Variants in CR2 observed in about 807,000 individuals in gnomAD.
CR2 encodes complement C3d receptor 2.
Under a neutral mutation model 123.0 loss-of-function variants are expected in CR2, and 96 were observed. The ratio of observed to expected loss-of-function variants is 0.78; its 90% CI spans 0.66 to 0.93. The LOEUF (loss-of-function observed/expected upper bound fraction) is 0.93. Ranked by LOEUF, CR2 falls within the 40% of genes least tolerant of loss-of-function variation. CR2 has a pLI of 0.00. For synonymous variants in CR2, 484 were observed against 469.5 expected, an observed-to-expected ratio of 1.03 and a Z score of -0.40; for missense variants, 1,258 against 1,361.0, an observed-to-expected ratio of 0.92 and a Z score of 1.19.
chr1:207,477,394 G>A (rs1212387087), intron 15 of CR2, among the ~76,000 whole-genome samples: 1 of 152,090 alleles, frequency 6.6e-6, no homozygotes, highest in Non-Finnish European at 1.5e-5. Context: ...CCCTCCCATG[G>A]CGCATGGGGA....
rs893377104 is a variant in CR2, at chr1:207,468,686, A to C, written c.605A>C (p.Lys202Thr). The C allele has an allele frequency of 3.7e-6, 6 of 1,614,072 alleles. No homozygotes were observed. Among genetic ancestry groups the C allele is most frequent in the Non-Finnish European group, 5.1e-6 (6 of 1,179,960 alleles). Reference protein sequence around the residue: ...EKIINCLSSGKWSAVPPTCEE... With the variant: ...EKIINCLSSGTWSAVPPTCEE... ...ATCATTAACTGTTTGTCTTCGGGAA[A>C]ATGGAGTGCTGTCCCCCCCACATGT... The change falls in exon 3 of 20, where the codon AAA becomes ACA. Residue 202 changes from lysine to threonine, a missense_variant. Physicochemically the swap from Lys to Thr is moderately conservative, Grantham distance 78 (BLOSUM62 -1). Coordinates refer to ENST00000367057, the MANE Select transcript of CR2 (RefSeq NM_001006658.3).
Position 207,472,762 on chromosome 1 carries a change from A to G in CR2, c.1571-10A>G. On this transcript the variant is annotated splice_polypyrimidine_tract_variant and intron_variant, in intron 9 of 19. Coordinates refer to ENST00000367057, the MANE Select transcript of CR2 (RefSeq NM_001006658.3). ...GAACTCAATTCTACAGTATCTTTTC[A>G]TCTCTCTAGAAATCACCTGCCCACC... 3 of 1,612,910 alleles carry G rather than the reference A, an allele frequency of 1.9e-6. No homozygotes were observed. The highest frequency in any genetic ancestry group is 2.5e-6 in the Non-Finnish European group (3 of 1,179,454).
rs2102305933 is a variant in CR2, at chr1:207,472,990, C to G, written c.1789C>G (p.Leu597Val). 2 of 1,614,032 alleles carry G rather than the reference C, an allele frequency of 1.2e-6. No individual in the cohort carries two copies. Among genetic ancestry groups the G allele is most frequent in the Non-Finnish European group, 1.7e-6 (2 of 1,179,952 alleles). ...SGPAPLCKLS[L>V]LAVQCSHVHI... The stretch of plus-strand genomic sequence containing the variant: ...CCCTGCTCCCCTGTGTAAACTTTCC[C>G]TCCTTGCTGTCCAGTGCTCACATGT... The change falls in exon 10 of 20, where the codon CTC becomes GTC. Residue 597 changes from leucine to valine, a missense_variant. Transcript: ENST00000367057.
At chr1:207,469,012 A>G (rs1170000978) in intron 4 of CR2, 113 bp downstream of exon 4, 2 of 1,385,458 alleles carry the variant, frequency 1.4e-6, no homozygotes, top group Admixed American at 1.7e-5. Context: ...AGTCTGGGGT[A>G]GGGTTGTGAG....
At chr1:207,474,470 G>A (rs557823526) in intron 13 of CR2, 147 bp downstream of exon 13, 20 of 687,602 alleles carry the variant, frequency 2.9e-5, no homozygotes, top group East Asian at 8.1e-5. Context: ...GTGTTGGTCA[G>A]TATTGACACT....
Position 207,489,067 on chromosome 1 carries a change from T to C in CR2, c.*19-75T>C, listed in dbSNP as rs767808090. The C allele has an allele frequency of 2.0e-5, 3 of 152,350 alleles. No individual in the cohort carries two copies. In the South Asian group the frequency reaches 6.2e-4, roughly 32 times the overall value. The allele number at this position is 152,350 out of a possible 1,614,324, so 9.4% of individuals were successfully genotyped here. ...AGCTGTAACTGGTATGTAAAGAGAA[T>C]GTTAGCATTATTTAAACTTCGAGTT... On this transcript the variant is annotated intron_variant, in intron 19 of 19. Coordinates refer to ENST00000367057, the MANE Select transcript of CR2 (RefSeq NM_001006658.3).
In CR2 at chr1:207,469,890, C is replaced by A; in HGVS notation, c.1013C>A (p.Pro338His). The change falls in exon 6 of 20, where the codon CCT (proline) becomes CAT (histidine). Residue 338 changes from proline (P) to histidine (H), a missense_variant. Physicochemically the swap from Pro to His is moderately conservative, Grantham distance 77 (BLOSUM62 -2). Transcript: ENST00000367057. ...CAGAAGACTGGGACCTGGAGTGGCC[C>A]TGCCCCACGCTGTGAACTTTCTACT... is the stretch of plus-strand genomic sequence containing the variant. ...DSQKTGTWSG[P>H]APRCELSTSA... 1 of 1,613,990 alleles carries A rather than the reference C, an allele frequency of 6.2e-7. No homozygotes were observed. Among genetic ancestry groups the A allele is most frequent in the Non-Finnish European group, 8.5e-7 (1 of 1,179,932 alleles).
At chr1:207,480,646 T>C (rs1228886239) in intron 18 of CR2, among the ~76,000 whole-genome samples, 1 of 152,180 alleles carries the variant, frequency 6.6e-6, no homozygotes, top group Non-Finnish European at 1.5e-5. Context: ...GATAAGTGCA[T>C]GAGCATTTAA....
Position 207,454,772 on chromosome 1 carries a change from C to A in CR2, c.58+296C>A. ...GTGCTCGCGGTCTCCTGCCGGGCTC[C>A]CCGCCCCCAGGATTCTGCAGGTGCT... On this transcript the variant is annotated intron_variant, in intron 1 of 19. Coordinates refer to ENST00000367057, the MANE Select transcript of CR2 (RefSeq NM_001006658.3). This position sits in a 1 kb window ranked among gnomAD's most constrained non-coding sequence, Gnocchi z 4.3. The A allele has an allele frequency of 2.6e-6, 1 of 389,910 alleles. No homozygotes were observed. The allele number at this position is 389,910 out of a possible 1,614,324, so 24.2% of individuals were successfully genotyped here. A position where few individuals can be genotyped will look rare whatever the true frequency, so the allele number is the denominator to read the frequency against.
chr1:207,485,314 T>C, intron 18 of CR2, 150 bp from the exon 19 acceptor site: 1 of 608,714 alleles, frequency 1.6e-6, no homozygotes, highest in Admixed American at 2.4e-5. Context: ...TCTGCACATG[T>C]ATCCCAGAAC....
At position 207,471,440 on chromosome 1, in the gene CR2, G is replaced by C; in HGVS notation, c.1511G>C (p.Ser504Thr). The C allele has an allele frequency of 1.2e-6, 2 of 1,612,908 alleles. No homozygotes were observed. The highest frequency in any genetic ancestry group is 1.7e-6 in the Non-Finnish European group (2 of 1,179,016). Residue 504 changes from serine (S) to threonine (T), a missense_variant, in exon 9 of 20, where the codon AGT (serine) becomes ACT (threonine). Physicochemically the swap from Ser to Thr is moderately conservative, Grantham distance 58 (BLOSUM62 1). Transcript: ENST00000367057. The stretch of plus-strand genomic sequence containing the variant: ...GTCTCTAGGTACAAGTTAAGTGGGA[G>C]TGTTTATCAGGAGTGTCAAGGCACA... ...SCGEGYKLSG[S>T]VYQECQGTIP... is the part of the protein sequence containing the mutation.
At chr1:207,465,203 T>C (rs2102299608) in intron 1 of CR2, among the ~76,000 whole-genome samples, 1 of 152,314 alleles carries the variant, frequency 6.6e-6, no homozygotes, top group Non-Finnish European at 1.5e-5. Flanking sequence ...GTGCTGGGAT[T>C]ACAGACGTGA....
intron 1 of CR2, among the ~76,000 whole-genome samples, chr1:207,455,257 C>A (rs1314148566): frequency 6.6e-6 from 1 of 152,174 alleles, no homozygotes; most frequent in East Asian, 1.9e-4. Context: ...CCGTGCATTC[C>A]TAGTTTATAA....
chr1:207,469,661 A>T, intron 5 of CR2, 34 bp from the exon 6 acceptor site: 1 of 1,601,470 alleles, frequency 6.2e-7, no homozygotes, highest in Non-Finnish European at 8.6e-7. Flanking sequence ...CAATACACCT[A>T]TGATCTTGTC....
At chr1:207,476,157 T>C in intron 14 of CR2, 77 bp from the exon 15 acceptor site, 1 of 1,404,016 alleles carries the variant, frequency 7.1e-7, no homozygotes, top group Non-Finnish European at 1.0e-6. Flanking sequence ...CCTTCCTGTA[T>C]CGCTATCACC....
At chr1:207,457,268 A>G (rs1572944402) in intron 1 of CR2, among the ~76,000 whole-genome samples, 1 of 152,344 alleles carries the variant, frequency 6.6e-6, no homozygotes, top group South Asian at 2.1e-4. Context: ...TATAACAATG[A>G]AAGAAGTATC....
chr1:207,457,982 T>C (rs1406329517), intron 1 of CR2, among the ~76,000 whole-genome samples: 2 of 151,782 alleles, frequency 1.3e-5, no homozygotes, highest in Non-Finnish European at 2.9e-5. Context: ...GGCATCTTGA[T>C]GTGGATGCCT....
At position 207,466,875 on chromosome 1, in the gene CR2, T is replaced by C; in HGVS notation, c.408T>C (p.Asn136=). 1 of 1,606,782 alleles carries C rather than the reference T, an allele frequency of 6.2e-7. No homozygotes were observed. The highest frequency in any genetic ancestry group is 1.3e-5 in the African/African-American group (1 of 74,474). The stretch of plus-strand genomic sequence containing the variant: ...AGTCTGTTTGGTGTCAAGCAAATAA[T>C]ATGTGGGGGCCGACACGACTACCAA... The part of the protein sequence containing the change: ...GNKSVWCQAN[N]MWGPTRLPTC... Residue 136 remains asparagine, a synonymous_variant, in exon 2 of 20, where the codon AAT becomes AAC. Coordinates refer to ENST00000367057, the MANE Select transcript of CR2 (RefSeq NM_001006658.3).
intron 19 of CR2, among the ~76,000 whole-genome samples, chr1:207,488,731 G>A (rs577640183): frequency 6.6e-6 from 1 of 152,206 alleles, no homozygotes; most frequent in African/African-American, 2.4e-5. Context: ...CCATAAACAA[G>A]GTATAGAAAA....
Sources: gnomAD v4.1 joint callset for allele counts (sites outside exome capture counted in the v4.1 genomes callset) on GRCh38, gnomAD v4.1.1 for gene constraint, Gnocchi (gnomAD v3.1) non-coding constraint, MANE v1.5 for transcripts, NCBI Gene and HGNC (gene_info 2026-07-23, HGNC 2026-07-21) for gene names.